GSE1: variants seen among roughly 807,000 people sequenced by gnomAD.
The protein encoded by GSE1 is Gse1 coiled-coil protein.
Under a neutral mutation model 112.6 loss-of-function variants are expected in GSE1, and 32 were observed. That is an observed-to-expected ratio of 0.28 (90% CI 0.21 to 0.38). The LOEUF (loss-of-function observed/expected upper bound fraction) is 0.38, where lower values mean the gene tolerates loss of function less well. Ranked by LOEUF, GSE1 falls within the 10% of genes least tolerant of loss-of-function variation. The pLI is 1.00. For missense variants in GSE1, 2,348 were observed against 1,699.2 expected (o/e 1.38, Z -6.71); for synonymous variants, 1,115 against 735.6 (o/e 1.52, Z -8.35).
chr16:85,486,143 C>T (rs2151883436), intron 2 of GSE1, among the ~76,000 whole-genome samples: 1 of 152,328 alleles, frequency 6.6e-6, no homozygotes, highest in East Asian at 1.9e-4. Flanking sequence ...GTCCTCACCT[C>T]CTCTTCCTCT....
chr16:85,431,534 G>C (rs367748978), intron 2 of GSE1, among the ~76,000 whole-genome samples: 5 of 152,382 alleles, frequency 3.3e-5, no homozygotes, highest in East Asian at 1.9e-4. Flanking sequence ...GCTGTCCCCA[G>C]ATCTGATCCT....
chr16:85,189,227 C>T (rs544689136), intron 1 of GSE1, among the ~76,000 whole-genome samples: 162 of 152,356 alleles, frequency 1.1e-3, no homozygotes, highest in Non-Finnish European at 1.6e-3. Context: ...AGACACTTAT[C>T]TGTATGTAGC....
chr16:85,360,575 A>G (rs2047045662), intron 2 of GSE1, among the ~76,000 whole-genome samples: 1 of 152,082 alleles, frequency 6.6e-6, no homozygotes, highest in African/African-American at 2.4e-5. Context: ...CTCATCCGGC[A>G]GGCGGGCGGG....
intron 1 of GSE1, among the ~76,000 whole-genome samples, chr16:85,174,277 G>A (rs1241233914): frequency 6.6e-6 from 1 of 152,228 alleles, no homozygotes; most frequent in East Asian, 1.9e-4. Context: ...GCTCAGGGGA[G>A]CAATAACAAT....
intron 2 of GSE1, among the ~76,000 whole-genome samples, chr16:85,470,250 G>A (rs2050246517): frequency 6.6e-6 from 1 of 152,230 alleles, no homozygotes; most frequent in Admixed American, 6.5e-5. Flanking sequence ...TGATGTGAGA[G>A]GGCACCTGGG....
At chr16:85,371,128 C>G (rs915238791) in intron 2 of GSE1, among the ~76,000 whole-genome samples, 8 of 152,224 alleles carry the variant, frequency 5.3e-5, no homozygotes, top group African/African-American at 7.2e-5. Context: ...TGCTCCGCCC[C>G]CCTCGTTCCT....
intron 2 of GSE1, among the ~76,000 whole-genome samples, chr16:85,645,210 G>T (rs1315554763): frequency 2.6e-5 from 4 of 152,032 alleles, no homozygotes; most frequent in African/African-American, 9.7e-5. Flanking sequence ...TCTGGGGTTG[G>T]GTCACGCCTC....
At chr16:85,554,182 A>C (rs1358956962), upstream of GSE1, among the ~76,000 whole-genome samples, 1 of 151,976 alleles carries the variant, frequency 6.6e-6, no homozygotes, top group African/African-American at 2.4e-5. Context: ...GACGTGGGTA[A>C]ATGGATCCTG....
chr16:85,556,398 G>A (rs1229411205), intron 1 of GSE1: 2 of 968,506 alleles, frequency 2.1e-6, no homozygotes, highest in Admixed American at 6.2e-5. Context: ...GGTCCCGCGC[G>A]GCGCCGGCGC....
chr16:85,394,983 G>T (rs1010703331), intron 2 of GSE1, among the ~76,000 whole-genome samples: 1 of 152,118 alleles, frequency 6.6e-6, no homozygotes, highest in Admixed American at 6.5e-5. Context: ...CAATTGAGTC[G>T]GGCCTTGATG....
At chr16:85,387,840 A>G (rs568502968) in intron 2 of GSE1, among the ~76,000 whole-genome samples, 1 of 152,318 alleles carries the variant, frequency 6.6e-6, no homozygotes, top group Admixed American at 6.5e-5. Context: ...GGATGGGTGT[A>G]TGTTTGCATG....
At chr16:85,265,123 G>GA (rs1264516921) in intron 1 of GSE1, among the ~76,000 whole-genome samples, 1 of 152,250 alleles carries the variant, frequency 6.6e-6, no homozygotes, top group African/African-American at 2.4e-5. Flanking sequence ...CTGCATTGGT[G>GA]AGTTGGGAGA....
chr16:85,510,466 C>T (rs1256589612), intron 2 of GSE1, among the ~76,000 whole-genome samples: 1 of 151,700 alleles, frequency 6.6e-6, no homozygotes, highest in Non-Finnish European at 1.5e-5. Context: ...GGCCTGCGTG[C>T]ACCCGCCTTG....
At position 85,311,263 on chromosome 16, in the gene GSE1, C is replaced by T. The variant is rs933755812; in HGVS notation, c.2284-46200C>T. On this transcript the variant is annotated intron_variant, in intron 1 of 2. Coordinates refer to the GSE1 transcript ENST00000637419. This position sits in a 1 kb window ranked among gnomAD's most constrained non-coding sequence, Gnocchi z 4.2. ...GGCACAAAGGGGCAGAGCCTAGCCACGGAGAGAGGGTGTGCCATCCTCTCT... is the reference window on the plus strand; with the variant it reads ...GGCACAAAGGGGCAGAGCCTAGCCATGGAGAGAGGGTGTGCCATCCTCTCT... 1.6e-4 allele frequency among the ~76,000 whole-genome samples: 24 copies of T among 152,186 alleles called. No individual in the cohort carries two copies. The highest frequency in any genetic ancestry group is 8.8e-5 in the Non-Finnish European group (6 of 68,036).
At chr16:85,446,642 C>T (rs1448121715) in intron 2 of GSE1, among the ~76,000 whole-genome samples, 3 of 152,136 alleles carry the variant, frequency 2.0e-5, no homozygotes, top group Non-Finnish European at 2.9e-5. Context: ...GCTCAGTAGA[C>T]GCCATCGAGC....
chr16:85,583,026 G>C (rs548447018), intron 1 of GSE1, among the ~76,000 whole-genome samples: 129 of 152,286 alleles, frequency 8.5e-4, no homozygotes, highest in Middle Eastern at 6.8e-3. Flanking sequence ...GCCAGCCAGG[G>C]TGGCTTCCTG....
At chr16:85,397,089 G>A (rs1447665945) in intron 2 of GSE1, among the ~76,000 whole-genome samples, 2 of 152,222 alleles carry the variant, frequency 1.3e-5, no homozygotes, top group African/African-American at 4.8e-5. Context: ...AAGGAGACAG[G>A]CCAATGTCCC....
intron 1 of GSE1, among the ~76,000 whole-genome samples, chr16:85,559,539 C>T (rs2045411595): frequency 6.6e-6 from 1 of 152,232 alleles, no homozygotes. Flanking sequence ...GGCCCAGAAC[C>T]CGCCTGTCCA....
chr16:85,367,124 C>T (rs1416758960), intron 2 of GSE1, among the ~76,000 whole-genome samples: 1 of 152,252 alleles, frequency 6.6e-6, no homozygotes, highest in East Asian at 1.9e-4. Context: ...AAACTGTCAC[C>T]AGGGACCTCG....
Sources: gnomAD v4.1 joint callset for allele counts (sites outside exome capture counted in the v4.1 genomes callset) on GRCh38, gnomAD v4.1.1 for gene constraint, Gnocchi (gnomAD v3.1) non-coding constraint, MANE v1.5 for transcripts, NCBI Gene and HGNC (gene_info 2026-07-23, HGNC 2026-07-21) for gene names.